The following GTF2E2 variants were observed in gnomAD, a reference collection of about 807,000 sequenced individuals.
GTF2E2 encodes the protein transcription initiation factor IIE subunit beta.
A neutral mutation model predicts 40.5 loss-of-function variants in GTF2E2; 21 were observed. That is an observed-to-expected ratio of 0.52 (90% CI 0.37 to 0.75). The LOEUF (loss-of-function observed/expected upper bound fraction) is 0.75, where lower values mean the gene tolerates loss of function less well. Among genes scored for constraint, GTF2E2 ranks in the 30% least tolerant of loss-of-function variants. GTF2E2 has a pLI of 0.00. For missense variants in GTF2E2, 298 were observed against 338.4 expected (o/e 0.88, Z 0.94); for synonymous variants, 117 against 121.6 (o/e 0.96, Z 0.25).
intron 3 of GTF2E2, among the ~76,000 whole-genome samples, chr8:30,616,735 G>C (rs533457888): frequency 6.6e-6 from 1 of 152,124 alleles, no homozygotes; most frequent in African/African-American, 2.4e-5. Context: ...AGGAAGCTGT[G>C]GGGGGATGGG....
At chr8:30,590,644 G>C (rs1828819112) in intron 6 of GTF2E2, among the ~76,000 whole-genome samples, 1 of 151,684 alleles carries the variant, frequency 6.6e-6, no homozygotes, top group Non-Finnish European at 1.5e-5. Flanking sequence ...GACACCAAAA[G>C]CACAAGCAGC....
chr8:30,593,693 G>A (rs182382470), intron 6 of GTF2E2, among the ~76,000 whole-genome samples: 5 of 152,050 alleles, frequency 3.3e-5, no homozygotes, highest in Admixed American at 3.3e-4. Context: ...ACGAGGTTTC[G>A]CCACGTTGCC....
At chr8:30,646,015 C>A (rs190747298) in intron 2 of GTF2E2, 209 of 154,958 alleles carry the variant, frequency 1.3e-3, no homozygotes, top group African/African-American at 4.5e-3. Flanking sequence ...AAGTAAAATA[C>A]TTCCACTTAT....
At chr8:30,647,330 T>C (rs905220128) in intron 2 of GTF2E2, among the ~76,000 whole-genome samples, 1 of 152,150 alleles carries the variant, frequency 6.6e-6, no homozygotes, top group Non-Finnish European at 1.5e-5. Flanking sequence ...CCTGCAATCC[T>C]AGCAGTTTGC....
chr8:30,605,285 A>T (rs575594630), intron 6 of GTF2E2, among the ~76,000 whole-genome samples: 2 of 152,362 alleles, frequency 1.3e-5, no homozygotes, highest in East Asian at 3.9e-4. Flanking sequence ...ACTTAACTAG[A>T]GATACAACTA....
intron 2 of GTF2E2, chr8:30,645,214 A>T: frequency 8.0e-7 from 1 of 1,254,644 alleles, no homozygotes; most frequent in Non-Finnish European, 1.1e-6. Flanking sequence ...AAGAAATCTT[A>T]GTACTGAGAT....
intron 6 of GTF2E2, among the ~76,000 whole-genome samples, chr8:30,597,791 A>G (rs1278069559): frequency 6.6e-6 from 1 of 152,240 alleles, no homozygotes; most frequent in East Asian, 1.9e-4. Context: ...CTTTTCAGCC[A>G]AACTTTAAAG....
intron 6 of GTF2E2, chr8:30,585,297 T>C (rs1351158021): frequency 1.3e-5 from 2 of 152,256 alleles, no homozygotes; most frequent in African/African-American, 4.8e-5. Flanking sequence ...AACAGCATTA[T>C]CTACACCTAT....
chr8:30,645,540 C>G (rs1161058491), intron 2 of GTF2E2: 34 of 1,535,508 alleles, frequency 2.2e-5, no homozygotes, highest in Non-Finnish European at 3.0e-5. Context: ...AAAGTGAACC[C>G]AACCCTCTTA....
At chr8:30,632,413 G>C (rs1316288526) in intron 3 of GTF2E2, among the ~76,000 whole-genome samples, 1 of 152,084 alleles carries the variant, frequency 6.6e-6, no homozygotes, top group Non-Finnish European at 1.5e-5. Flanking sequence ...TTCAAAGCAA[G>C]TTTGTTATGG....
At chr8:30,627,738 A>C (rs1801330495) in intron 3 of GTF2E2, among the ~76,000 whole-genome samples, 1 of 152,200 alleles carries the variant, frequency 6.6e-6, no homozygotes, top group Non-Finnish European at 1.5e-5. Context: ...TGAGCACCTA[A>C]ATCTCTTGCT....
At chr8:30,622,525 C>A (rs1425195958) in intron 3 of GTF2E2, among the ~76,000 whole-genome samples, 1 of 151,992 alleles carries the variant, frequency 6.6e-6, no homozygotes, top group Non-Finnish European at 1.5e-5. Context: ...AAGTTTCAGG[C>A]ACCATTGTCA....
chr8:30,601,565 C>A (rs1829181790), intron 6 of GTF2E2, among the ~76,000 whole-genome samples: 1 of 152,146 alleles, frequency 6.6e-6, no homozygotes, highest in South Asian at 2.1e-4. Context: ...CTCAACCAAC[C>A]CCAAATGTTA....
chr8:30,651,380 CTT>C (rs145528737), intron 2 of GTF2E2, among the ~76,000 whole-genome samples: 1,977 of 152,010 alleles, frequency 0.013, 52 homozygotes, highest in African/African-American at 0.044. Context: ...AAAAAAAACT[CTT>C]GTTTCTATAT....
chr8:30,614,200 C>T (rs1336399243), intron 4 of GTF2E2, among the ~76,000 whole-genome samples: 1 of 152,172 alleles, frequency 6.6e-6, no homozygotes, highest in African/African-American at 2.4e-5. Flanking sequence ...ACAAATCAAT[C>T]TTATAAATGT....
intron 2 of GTF2E2, among the ~76,000 whole-genome samples, chr8:30,648,346 T>C (rs1357833949): frequency 3.9e-5 from 6 of 152,174 alleles, no homozygotes; most frequent in African/African-American, 1.4e-4. Context: ...CAGCTTGAGC[T>C]GAAAGCAACA....
At chr8:30,595,084 T>G (rs1484454519) in intron 6 of GTF2E2, among the ~76,000 whole-genome samples, 1 of 152,214 alleles carries the variant, frequency 6.6e-6, no homozygotes, top group Non-Finnish European at 1.5e-5. Flanking sequence ...TTATCTCCAC[T>G]ATTGGCTTAT....
intron 6 of GTF2E2, among the ~76,000 whole-genome samples, chr8:30,596,622 C>T (rs896897096): frequency 3.9e-5 from 6 of 152,076 alleles, no homozygotes; most frequent in African/African-American, 1.4e-4. Context: ...TCTCGTAGTT[C>T]CAAAGAATTT....
chr8:30,642,373 C>T (rs545837555), intron 2 of GTF2E2, among the ~76,000 whole-genome samples: 6 of 150,646 alleles, frequency 4.0e-5, no homozygotes, highest in African/African-American at 1.5e-4. Context: ...AGAATGGTTA[C>T]TCCATACTAA....
Sources: allele counts gnomAD v4.1 joint callset (sites outside exome capture counted in the v4.1 genomes callset), GRCh38; gene constraint gnomAD v4.1.1; transcripts MANE v1.5; gene names NCBI Gene and HGNC (gene_info 2026-07-23, HGNC 2026-07-21).